Variants in ARHGAP23 observed in about 807,000 individuals in gnomAD.
The protein encoded by ARHGAP23 is rho GTPase-activating protein 23.
A neutral mutation model predicts 136.3 loss-of-function variants in ARHGAP23; 34 were observed. That is an observed-to-expected ratio of 0.25 (90% CI 0.19 to 0.33). The LOEUF (loss-of-function observed/expected upper bound fraction) is 0.33, where lower values mean the gene tolerates loss of function less well. Among genes scored for constraint, ARHGAP23 ranks in the 10% least tolerant of loss-of-function variants. The pLI is 1.00. For missense variants in ARHGAP23, 1,808 were observed against 2,139.0 expected, an observed-to-expected ratio of 0.85 and a Z score of 3.05; for synonymous variants, 832 against 920.5, an observed-to-expected ratio of 0.90 and a Z score of 1.74.
At chr17:38,421,137 C>T (rs1203273580) in intron 1 of ARHGAP23, among the ~76,000 whole-genome samples, 1 of 152,232 alleles carries the variant, frequency 6.6e-6, no homozygotes, top group Non-Finnish European at 1.5e-5. Context: ...CCCCTGTACC[C>T]TCCCCTGGGA....
intron 11 of ARHGAP23, among the ~76,000 whole-genome samples, chr17:38,476,879 G>T (rs1209797545): frequency 6.6e-6 from 1 of 152,192 alleles, no homozygotes; most frequent in African/African-American, 2.4e-5. Flanking sequence ...TAGTCTCCTG[G>T]CTGTTTAACT....
In ARHGAP23 at chr17:38,419,878, C is replaced by G. The variant is rs534650699; in HGVS notation, n.120+479C>G. Among the ~76,000 whole-genome samples, 59 of 148,838 alleles carry G rather than the reference C, an allele frequency of 4.0e-4. No homozygotes were observed. The East Asian group carries it at 0.011, about 27-fold the overall frequency. On this transcript the variant is annotated intron_variant and non_coding_transcript_variant, in intron 1 of 4. Transcript: ENST00000633445. The stretch of plus-strand genomic sequence containing the variant: ...CCTCAAGATACGCCGGTCCCCTCCC[C>G]CTACACATCAAGGGGTTTCTTCCAG...
At chr17:38,434,645 C>T (rs754258474) in intron 1 of ARHGAP23, among the ~76,000 whole-genome samples, 21 of 152,194 alleles carry the variant, frequency 1.4e-4, no homozygotes, top group Non-Finnish European at 2.5e-4. Context: ...AGGACAACCA[C>T]GCAAGGGGCC....
intron 23 of ARHGAP23, chr17:38,501,242 A>T (rs144350554): frequency 0.092 from 13,933 of 152,202 alleles, 762 homozygotes; most frequent in Middle Eastern, 0.16. Context: ...GGCACAGATT[A>T]TCAGTATCAG....
In ARHGAP23 at chr17:38,510,307, GC is replaced by G; in HGVS notation, c.3812del (p.Ala1271GlyfsTer12). ...GGGCGCTAGCGGTCGGCGGGCAGGG[GC>G]GGGGGATGAGGCGGACGACGAGCGT... ...CSGASGRRAG[A>X]GDEADDERSE... On this transcript the variant is annotated frameshift_variant, in exon 24 of 24. Coordinates refer to ENST00000622683, the MANE Select transcript of ARHGAP23 (RefSeq NM_001199417.2). LOFTEE classifies it high-confidence loss of function. The surrounding 1 kb of genome is among the most constrained non-coding windows in gnomAD (Gnocchi z 4.6). 7.8e-7 allele frequency: 1 copy of G among 1,281,536 alleles called. No homozygotes were observed. Among genetic ancestry groups the G allele is most frequent in the South Asian group, 2.7e-5 (1 of 36,912 alleles). The allele number at this position is 1,281,536 out of a possible 1,614,324, so 79.4% of individuals were successfully genotyped here.
In ARHGAP23 at chr17:38,510,590, G is replaced by A; in HGVS notation, c.4094G>A (p.Arg1365Gln). Residue 1365 changes from arginine (R) to glutamine (Q), a missense_variant, in exon 24 of 24, where the codon CGG becomes CAG. By Grantham distance (43) the Arg-to-Gln change is conservative (BLOSUM62 1). Transcript: ENST00000622683. This position sits in a 1 kb window ranked among gnomAD's most constrained non-coding sequence, Gnocchi z 4.6. ...CCCCCGGCGGCGGCGCTGGCCTCCC[G>A]GCCCTCGCGCATGGAGGCGCTGCGT... ...LRPPAAALASRPSRMEALRLR... is the reference protein window; with the variant it reads ...LRPPAAALASQPSRMEALRLR... 3 of 1,276,866 alleles carry A rather than the reference G, an allele frequency of 2.3e-6. No individual in the cohort carries two copies. The highest frequency in any genetic ancestry group is 2.0e-6 in the Non-Finnish European group (2 of 1,014,532). 79.1% of individuals were successfully genotyped at this position (1,276,866 alleles called of 1,614,324 possible).
chr17:38,444,257 G>A (rs527312701), intron 1 of ARHGAP23, among the ~76,000 whole-genome samples: 5 of 152,210 alleles, frequency 3.3e-5, no homozygotes, highest in South Asian at 2.1e-4. Flanking sequence ...TCAAGGAGAC[G>A]AGGCATGCCA....
rs2039685963 is a variant in ARHGAP23 at position 38,469,277 on chromosome 17, A to T, written c.1782A>T (p.Gly594=). ...CCCCGACCTTCACTTTCACCCTCGG[A>T]CGCCATTACTCGCAGGACTGCAGTG... The part of the protein sequence containing the change: ...PSSPTFTFTL[G]RHYSQDCSSI... Residue 594 remains glycine, a synonymous_variant, in exon 8 of 24, where the codon GGA becomes GGT. Coordinates refer to ENST00000622683, the MANE Select transcript of ARHGAP23 (RefSeq NM_001199417.2). The T allele has an allele frequency of 6.4e-7, 1 of 1,551,240 alleles. No homozygotes were observed. The highest frequency in any genetic ancestry group is 8.7e-7 in the Non-Finnish European group (1 of 1,146,730).
intron 1 of ARHGAP23, among the ~76,000 whole-genome samples, chr17:38,452,861 G>C (rs1175682495): frequency 6.6e-6 from 1 of 152,214 alleles, no homozygotes; most frequent in Non-Finnish European, 1.5e-5. Context: ...GTGGGAGAGG[G>C]GGCAGCTTTG....
chr17:38,463,634 C>T (rs981526514), intron 6 of ARHGAP23, among the ~76,000 whole-genome samples: 8 of 152,150 alleles, frequency 5.3e-5, no homozygotes, highest in African/African-American at 1.9e-4. Flanking sequence ...GCCCAGCAGG[C>T]TCTGCCAGCC....
chr17:38,453,243 GT>G (rs1215446251), intron 1 of ARHGAP23, among the ~76,000 whole-genome samples: 13 of 149,558 alleles, frequency 8.7e-5, no homozygotes, highest in African/African-American at 3.2e-4. Flanking sequence ...TCCTGTGTGT[GT>G]GGGGGGGATA....
At position 38,489,807 on chromosome 17, in the gene ARHGAP23, C is replaced by T. The variant is rs141219966; in HGVS notation, c.2987-295C>T. 2.1e-3 allele frequency: 749 copies of T among 351,252 alleles called. 3 individuals carry two copies. Among genetic ancestry groups the T allele is most frequent in the African/African-American group, 0.014 (666 of 48,426 alleles). 21.8% of individuals were successfully genotyped at this position (351,252 alleles called of 1,614,324 possible). On this transcript the variant is annotated intron_variant, in intron 17 of 23. Coordinates refer to ENST00000622683, the MANE Select transcript of ARHGAP23 (RefSeq NM_001199417.2). ...AACCTTGGTGTCCATGTCCTGGAGA[C>T]GGGGGCAGGGACCCCTTTTCTGGGA...
At chr17:38,451,988 C>G (rs2039182591) in intron 1 of ARHGAP23, 1 of 152,730 alleles carries the variant, frequency 6.5e-6, no homozygotes, top group South Asian at 2.1e-4. Context: ...GGTGGGGGGT[C>G]CAGCTCTTGC....
intron 1 of ARHGAP23, among the ~76,000 whole-genome samples, chr17:38,431,367 G>A (rs1489743122): frequency 1.3e-5 from 2 of 152,158 alleles, no homozygotes; most frequent in East Asian, 1.9e-4. Flanking sequence ...GGCTGCAGGG[G>A]TTCAAAGGTA....
chr17:38,492,344 A>T (rs2040297742), intron 20 of ARHGAP23, among the ~76,000 whole-genome samples: 1 of 152,136 alleles, frequency 6.6e-6, no homozygotes, highest in African/African-American at 2.4e-5. Context: ...CTGCCAGGGG[A>T]AATAAGACTG....
chr17:38,502,508 A>T (rs2040544178), intron 23 of ARHGAP23, among the ~76,000 whole-genome samples: 1 of 152,216 alleles, frequency 6.6e-6, no homozygotes, highest in Admixed American at 6.5e-5. Context: ...AGCCAAACAG[A>T]TAGGTTCCTG....
At chr17:38,431,320 G>A (rs1318092711) in intron 1 of ARHGAP23, among the ~76,000 whole-genome samples, 3 of 152,200 alleles carry the variant, frequency 2.0e-5, no homozygotes, top group Non-Finnish European at 2.9e-5. Flanking sequence ...GTTCACTGGT[G>A]TTTTCCTTCC....
chr17:38,482,266 G>T, intron 15 of ARHGAP23, 123 bp downstream of exon 15: 1 of 1,470,962 alleles, frequency 6.8e-7, no homozygotes, highest in Non-Finnish European at 9.0e-7. Context: ...TGGGAAAACA[G>T]CCCAGAGAGG....
chr17:38,431,803 G>T (rs1043007734), intron 1 of ARHGAP23, among the ~76,000 whole-genome samples: 1 of 152,114 alleles, frequency 6.6e-6, no homozygotes, highest in Admixed American at 6.5e-5. Context: ...CCTCAGCCTC[G>T]GCAGACAAGG....
Sources: gnomAD v4.1 joint callset for allele counts (sites outside exome capture counted in the v4.1 genomes callset) on GRCh38, gnomAD v4.1.1 for gene constraint, Gnocchi (gnomAD v3.1) non-coding constraint, MANE v1.5 for transcripts, NCBI Gene and HGNC (gene_info 2026-07-23, HGNC 2026-07-21) for gene names.